The following TM9SF3 variants were observed in gnomAD, a reference collection of about 807,000 sequenced individuals.
The protein encoded by TM9SF3 is transmembrane 9 superfamily member 3.
Under a neutral mutation model 78.6 loss-of-function variants are expected in TM9SF3, and 14 were observed. That is an observed-to-expected ratio of 0.18 (90% confidence interval 0.12 to 0.28). The LOEUF (loss-of-function observed/expected upper bound fraction) is 0.28, where lower values mean the gene tolerates loss of function less well. Ranked by LOEUF, TM9SF3 falls within the 10% of genes least tolerant of loss-of-function variation. TM9SF3 has a pLI of 1.00. For missense variants in TM9SF3, 496 were observed against 721.9 expected (o/e 0.69, Z 3.59); for synonymous variants, 231 against 241.7 (o/e 0.96, Z 0.41).
At chr10:96,585,108 T>C (rs894125136) in intron 1 of TM9SF3, among the ~76,000 whole-genome samples, 1 of 152,214 alleles carries the variant, frequency 6.6e-6, no homozygotes, top group Non-Finnish European at 1.5e-5. Context: ...ATGGTTTCCC[T>C]AATCACAGCA....
chr10:96,532,559 T>C (rs1847910628), intron 10 of TM9SF3, among the ~76,000 whole-genome samples: 2 of 152,180 alleles, frequency 1.3e-5, no homozygotes, highest in Admixed American at 6.5e-5. Context: ...GTAATAAATG[T>C]ACACTAAATT....
chr10:96,547,093 G>A (rs996374777), intron 8 of TM9SF3, among the ~76,000 whole-genome samples: 18 of 152,150 alleles, frequency 1.2e-4, no homozygotes, highest in African/African-American at 4.3e-4. Flanking sequence ...AGGAGCAACA[G>A]GATATTTAAG....
At chr10:96,535,796 C>T (rs1847951329) in intron 9 of TM9SF3, among the ~76,000 whole-genome samples, 1 of 152,200 alleles carries the variant, frequency 6.6e-6, no homozygotes, top group Non-Finnish European at 1.5e-5. Context: ...CAAAGATCTA[C>T]ATACTGATCA....
chr10:96,583,011 CG>C (rs1029742524), intron 1 of TM9SF3, among the ~76,000 whole-genome samples: 25 of 146,924 alleles, frequency 1.7e-4, no homozygotes, highest in Non-Finnish European at 2.8e-4. Flanking sequence ...ACCCGGGAGG[CG>C]GAAGTTGCAG....
rs534962947 is a variant in TM9SF3, at chr10:96,531,254, C to T, written c.1326-646G>A. On this transcript the variant is annotated intron_variant, in intron 10 of 14. Coordinates refer to ENST00000371142, the MANE Select transcript of TM9SF3 (RefSeq NM_020123.4). ...GAAAGCATTGGCTCAAATATTCTCCCTTTAAAACCTTTGCTGAGTCTCCCA... is the reference window on the plus strand; with the variant it reads ...GAAAGCATTGGCTCAAATATTCTCCTTTTAAAACCTTTGCTGAGTCTCCCA... 2.1e-4 allele frequency among the ~76,000 whole-genome samples: 32 copies of T among 152,272 alleles called. 1 individual carries two copies. Among genetic ancestry groups the T allele is most frequent in the African/African-American group, 7.7e-4 (32 of 41,544 alleles).
At chr10:96,583,645 C>T (rs1848599027) in intron 1 of TM9SF3, among the ~76,000 whole-genome samples, 1 of 151,370 alleles carries the variant, frequency 6.6e-6, no homozygotes, top group South Asian at 2.1e-4. Flanking sequence ...GGTGACCTCA[C>T]CTCTCTAGAT....
intron 1 of TM9SF3, among the ~76,000 whole-genome samples, chr10:96,580,279 T>G (rs1245618457): frequency 6.6e-6 from 1 of 152,116 alleles, no homozygotes; most frequent in Non-Finnish European, 1.5e-5. Context: ...TGTGTGTGTG[T>G]GTGTGAGACG....
At chr10:96,529,669 C>T (rs531588893) in intron 11 of TM9SF3, among the ~76,000 whole-genome samples, 5 of 151,304 alleles carry the variant, frequency 3.3e-5, no homozygotes, top group Admixed American at 2.0e-4. Context: ...AATCAGTGGA[C>T]GTACATTTAC....
rs775404575 is a variant in TM9SF3, at chr10:96,528,187, T to C, written c.1395-10A>G. 4.4e-6 allele frequency: 7 copies of C among 1,605,854 alleles called. No individual in the cohort carries two copies. The highest frequency in any genetic ancestry group is 6.0e-6 in the Non-Finnish European group (7 of 1,175,544). Reference sequence around the variant, plus strand: ...CGTGAAGATGAAATACCTAAGTAAATGCAATAAAGACACAGGTTTCCAGTC... The same window carrying C: ...CGTGAAGATGAAATACCTAAGTAAACGCAATAAAGACACAGGTTTCCAGTC... On this transcript the variant is annotated splice_polypyrimidine_tract_variant and intron_variant, in intron 11 of 14. Coordinates refer to ENST00000371142, the MANE Select transcript of TM9SF3 (RefSeq NM_020123.4).
chr10:96,563,013 C>A (rs1411293761), intron 3 of TM9SF3, among the ~76,000 whole-genome samples: 1 of 152,024 alleles, frequency 6.6e-6, no homozygotes. Context: ...CTAATTGGTA[C>A]AAATTCAAGG....
At chr10:96,571,159 G>A (rs1309633346) in intron 2 of TM9SF3, among the ~76,000 whole-genome samples, 1 of 152,208 alleles carries the variant, frequency 6.6e-6, no homozygotes, top group African/African-American at 2.4e-5. Flanking sequence ...GGGAACTGGT[G>A]TCACAGAACC....
chr10:96,531,992 C>T (rs1390880912), intron 10 of TM9SF3, among the ~76,000 whole-genome samples: 6 of 152,184 alleles, frequency 3.9e-5, no homozygotes, highest in East Asian at 1.9e-4. Flanking sequence ...GGGCAGATCA[C>T]GAGGTTAGTA....
At chr10:96,558,478 A>G (rs1848261816) in intron 5 of TM9SF3, among the ~76,000 whole-genome samples, 1 of 151,924 alleles carries the variant, frequency 6.6e-6, no homozygotes, top group Non-Finnish European at 1.5e-5. Context: ...CCCCACCCCT[A>G]CTAAAAAAAA....
chr10:96,564,220 A>G (rs564826627), intron 3 of TM9SF3, among the ~76,000 whole-genome samples: 35 of 152,010 alleles, frequency 2.3e-4, no homozygotes, highest in African/African-American at 8.0e-4. Context: ...TAAGCCCAGG[A>G]GTCTGAGGCT....
Position 96,551,238 on chromosome 10 carries a change from C to T in TM9SF3, c.959+7G>A, listed in dbSNP as rs776569260. ...AAGACATAATACAGTTAAGTGTAGGCACTTACTCAGTATATAAATCTTCTA... is the reference window on the plus strand; with the variant it reads ...AAGACATAATACAGTTAAGTGTAGGTACTTACTCAGTATATAAATCTTCTA... On this transcript the variant is annotated splice_region_variant and intron_variant, in intron 7 of 14. Transcript: ENST00000371142. 1 of 1,604,018 alleles carries T rather than the reference C, an allele frequency of 6.2e-7. No homozygotes were observed. The highest frequency in any genetic ancestry group is 1.1e-5 in the South Asian group (1 of 90,210).
rs114006908 is a variant in TM9SF3 at position 96,560,043 on chromosome 10, C to T, written c.583-307G>A. 2,293 of 574,570 alleles carry T rather than the reference C, an allele frequency of 4.0e-3. 40 individuals carry two copies. Among genetic ancestry groups the T allele is most frequent in the African/African-American group, 0.037 (1,970 of 53,246 alleles). 35.6% of individuals were successfully genotyped at this position (574,570 alleles called of 1,614,324 possible). On this transcript the variant is annotated intron_variant, in intron 4 of 14. Coordinates refer to ENST00000371142, the MANE Select transcript of TM9SF3 (RefSeq NM_020123.4). ...GATATGAACTGAATTAGTATAAGCT[C>T]ATATCACAAGTGTCTAAATCAATTA... is the stretch of plus-strand genomic sequence containing the variant.
chr10:96,543,801 G>A (rs1454331936), intron 9 of TM9SF3: 7 of 187,844 alleles, frequency 3.7e-5, no homozygotes. Flanking sequence ...TCCCATCTCT[G>A]ATAAAAAGCT....
At chr10:96,526,719 A>G (rs1448138147) in intron 14 of TM9SF3, among the ~76,000 whole-genome samples, 1 of 152,122 alleles carries the variant, frequency 6.6e-6, no homozygotes, top group African/African-American at 2.4e-5. Context: ...GTATGCAATC[A>G]TAACAAGTAA....
chr10:96,553,396 C>T (rs1486056124), intron 5 of TM9SF3, among the ~76,000 whole-genome samples: 1 of 152,156 alleles, frequency 6.6e-6, no homozygotes, highest in Non-Finnish European at 1.5e-5. Flanking sequence ...TGGAGTCAAA[C>T]ATTGCCAGTT....
Sources: allele counts gnomAD v4.1 joint callset (sites outside exome capture counted in the v4.1 genomes callset), GRCh38; gene constraint gnomAD v4.1.1; transcripts MANE v1.5; gene names NCBI Gene and HGNC (gene_info 2026-07-23, HGNC 2026-07-21).